Variants in LAMB1 observed in about 807,000 individuals in gnomAD.
The protein encoded by LAMB1 is laminin subunit beta 1.
A neutral mutation model predicts 222.3 loss-of-function variants in LAMB1; 121 were observed. The ratio of observed to expected loss-of-function variants is 0.54; its 90% CI spans 0.47 to 0.63. LAMB1 has a LOEUF of 0.63. Ranked by LOEUF, LAMB1 falls within the 30% of genes least tolerant of loss-of-function variation. The probability of loss-of-function intolerance (pLI) is 0.00; values close to 1 mark genes in which losing one functional copy is unlikely to be tolerated. For synonymous variants in LAMB1, 794 were observed against 807.2 expected (o/e 0.98, Z 0.28); for missense variants, 2,172 against 2,240.8 (o/e 0.97, Z 0.62).
chr7:107,959,516 A>C (rs1193223506), intron 19 of LAMB1, 36 bp from the exon 20 acceptor site: 1 of 1,611,108 alleles, frequency 6.2e-7, no homozygotes, highest in Non-Finnish European at 8.5e-7. Context: ...TGCCTTGAGA[A>C]ACTCATTCAA....
In LAMB1 at chr7:107,952,940, ACCC is replaced by A. The variant is rs1274416656; in HGVS notation, c.3079+587_3079+589del. Among the ~76,000 whole-genome samples the A allele has an allele frequency of 3.1e-3, 471 of 152,254 alleles. 1 individual carries two copies. Among genetic ancestry groups the A allele is most frequent in the African/African-American group, 0.011 (454 of 41,546 alleles). On this transcript the variant is annotated intron_variant, in intron 22 of 33. Transcript: ENST00000222399. ...TTCATGGGCAGAGCATACCATCAGT[ACCC>A]TCTACTGGATGCCATTTATCATGGG...
Position 107,932,222 on chromosome 7 carries a change from G to A in LAMB1, c.4344C>T (p.Asp1448=). 1 of 1,614,182 alleles carries A rather than the reference G, an allele frequency of 6.2e-7. No homozygotes were observed. Among genetic ancestry groups the A allele is most frequent in the Non-Finnish European group, 8.5e-7 (1 of 1,180,040 alleles). ...HNAWQKAMDL[D]QDVLSALAEV... The stretch of plus-strand genomic sequence containing the variant: ...CAGCCAGGGCACTCAGGACATCTTG[G>A]TCCAAGTCCATGGCTTTCTGCCAGG... Residue 1448 remains aspartate, a synonymous_variant, in exon 28 of 34, where the codon GAC becomes GAT. Coordinates refer to ENST00000222399, the MANE Select transcript of LAMB1 (RefSeq NM_002291.3).
intron 24 of LAMB1, among the ~76,000 whole-genome samples, chr7:107,947,917 A>C (rs1031997674): frequency 6.6e-6 from 1 of 151,986 alleles, no homozygotes; most frequent in Admixed American, 6.6e-5. Flanking sequence ...TGTGGGCACA[A>C]AGGAGAGACA....
intron 24 of LAMB1, among the ~76,000 whole-genome samples, chr7:107,940,813 TC>T (rs1400676977): frequency 6.6e-6 from 1 of 152,148 alleles, no homozygotes; most frequent in Non-Finnish European, 1.5e-5. Context: ...ACTTAGGATT[TC>T]CCCACAGACC....
At chr7:107,929,874 G>A in intron 29 of LAMB1, 1 of 520,814 alleles carries the variant, frequency 1.9e-6, no homozygotes, top group Non-Finnish European at 3.4e-6. Context: ...AAACCTTCGT[G>A]GAAGATGAGG....
rs373235081 is a variant in LAMB1, at chr7:107,940,240, C to G, written c.3510G>C (p.Ser1170=). The part of the protein sequence containing the change: ...PRCDKCTRGY[S]GVFPDCTPCH... The stretch of plus-strand genomic sequence containing the variant: ...AGGGTGTGCAGTCAGGGAAGACCCC[C>G]GAGTACCCTCGCGTGCACTTGTCAC... Residue 1170 remains serine, a synonymous_variant, in exon 25 of 34, where the codon TCG becomes TCC. Transcript: ENST00000222399. 2.5e-6 allele frequency: 4 copies of G among 1,614,086 alleles called. No homozygotes were observed. The highest frequency in any genetic ancestry group is 2.2e-5 in the East Asian group (1 of 44,888).
chr7:107,932,392 G>A lies in LAMB1; in HGVS notation c.4189-15C>T. On this transcript the variant is annotated splice_polypyrimidine_tract_variant and intron_variant, in intron 27 of 33. Coordinates refer to ENST00000222399, the MANE Select transcript of LAMB1 (RefSeq NM_002291.3). ...GTTCCACAGGTCTGCAACAAGCCAA[G>A]GATCAGGCACAATACTTCGGATAGT... 1 of 1,613,606 alleles carries A rather than the reference G, an allele frequency of 6.2e-7. No individual in the cohort carries two copies. Among genetic ancestry groups the A allele is most frequent in the Non-Finnish European group, 8.5e-7 (1 of 1,179,470 alleles).
intron 30 of LAMB1, 92 bp from the exon 31 acceptor site, chr7:107,929,297 T>G: frequency 6.5e-7 from 1 of 1,535,322 alleles, no homozygotes; most frequent in Non-Finnish European, 9.0e-7. Flanking sequence ...CTTCCTGAAA[T>G]GACCCAGAGA....
At position 107,940,165 on chromosome 7, in the gene LAMB1, G is replaced by A. The variant is rs2032945936; in HGVS notation, c.3585C>T (p.Asn1195=). ...CTTTCTCCAGGAATCTGTGTGTCCT[G>A]TTGGTCAGCTCGGCAATGATCACAT... ...LWDVIIAELT[N]RTHRFLEKAK... Residue 1195 remains asparagine (N), a synonymous_variant, in exon 25 of 34, where the codon AAC becomes AAT. Transcript: ENST00000222399. The A allele has an allele frequency of 6.2e-7, 1 of 1,614,036 alleles. No individual in the cohort carries two copies. Among genetic ancestry groups the A allele is most frequent in the African/African-American group, 1.3e-5 (1 of 74,910 alleles).
chr7:107,985,933 G>A (rs1001187429), intron 7 of LAMB1, 89 bp downstream of exon 7: 6 of 1,020,818 alleles, frequency 5.9e-6, no homozygotes, highest in African/African-American at 1.6e-5. Context: ...CTCCAGCCTG[G>A]GCAACAAGAG....
intron 29 of LAMB1, 75 bp downstream of exon 29, chr7:107,931,281 T>C: frequency 8.0e-7 from 1 of 1,257,038 alleles, no homozygotes; most frequent in South Asian, 1.3e-5. Context: ...CTGACAGAAA[T>C]GGATTTTATC....
chr7:107,943,106 G>A (rs1035312639), intron 24 of LAMB1, among the ~76,000 whole-genome samples: 2 of 152,150 alleles, frequency 1.3e-5, no homozygotes, highest in African/African-American at 2.4e-5. Flanking sequence ...GGCAAACCAT[G>A]GATAACTTTA....
Position 107,986,329 on chromosome 7 carries a change from G to A in LAMB1, c.458C>T (p.Ser153Leu), listed in dbSNP as rs774870882. 5.6e-6 allele frequency: 9 copies of A among 1,608,408 alleles called. No individual in the cohort carries two copies. Among genetic ancestry groups the A allele is most frequent in the Admixed American group, 1.7e-5 (1 of 59,786 alleles). The change falls in exon 6 of 34, where the codon TCG (serine) becomes TTG (leucine). Residue 153 changes from serine (S) to leucine (L), a missense_variant. Transcript: ENST00000222399. ...FRPAAMLIER[S>L]SDFGKTWGVY... ...ACCCCAGGTTTTCCCAAAGTCGGAC[G>A]ATCGTTCTATCAGCATAGCAGCTGG...
At chr7:107,958,520 C>T (rs748849564) in intron 20 of LAMB1, among the ~76,000 whole-genome samples, 1 of 152,122 alleles carries the variant, frequency 6.6e-6, no homozygotes, top group African/African-American at 2.4e-5. Context: ...TTCGATAGGG[C>T]GAATGGATGT....
chr7:107,940,434 T>A, intron 24 of LAMB1, 76 bp from the exon 25 acceptor site: 1 of 1,453,674 alleles, frequency 6.9e-7, no homozygotes, highest in Non-Finnish European at 9.4e-7. Context: ...TTTAGAATAC[T>A]CACTTCACTG....
At chr7:107,953,292 G>T (rs556439570) in intron 22 of LAMB1, among the ~76,000 whole-genome samples, 15 of 151,688 alleles carry the variant, frequency 9.9e-5, no homozygotes, top group African/African-American at 3.6e-4. Flanking sequence ...TGGAGGCAGA[G>T]GTTATAGTGA....
intron 9 of LAMB1, among the ~76,000 whole-genome samples, 156 bp from the exon 10 acceptor site, chr7:107,976,033 G>A (rs1013451439): frequency 2.0e-5 from 3 of 152,126 alleles, no homozygotes; most frequent in African/African-American, 7.2e-5. Flanking sequence ...CGCATCCACC[G>A]ATGACACTGT....
intron 13 of LAMB1, among the ~76,000 whole-genome samples, chr7:107,969,897 C>T (rs1436993816): frequency 6.6e-6 from 1 of 152,164 alleles, no homozygotes; most frequent in Non-Finnish European, 1.5e-5. Flanking sequence ...TGTTATTATG[C>T]AGTACATGAT....
At chr7:107,961,773 A>G in intron 15 of LAMB1, 97 bp from the exon 16 acceptor site, 1 of 1,358,674 alleles carries the variant, frequency 7.4e-7, no homozygotes, top group Non-Finnish European at 1.0e-6. Flanking sequence ...GTTGAAATGG[A>G]AAACAAACAG....
Sources: gnomAD v4.1 joint callset for allele counts (sites outside exome capture counted in the v4.1 genomes callset) on GRCh38, gnomAD v4.1.1 for gene constraint, MANE v1.5 for transcripts, NCBI Gene and HGNC (gene_info 2026-07-23, HGNC 2026-07-21) for gene names.